Variants in FANCB observed in about 807,000 individuals in gnomAD.
FANCB encodes the protein FA complementation group B, also known as Fanconi anemia group B protein.
Under a neutral mutation model 38.9 loss-of-function variants are expected in FANCB, and 5 were observed. The observed-to-expected ratio is 0.13, with a 90% confidence interval of 0.07 to 0.27. The LOEUF (loss-of-function observed/expected upper bound fraction) is 0.27, where lower values mean the gene tolerates loss of function less well. FANCB is among the 10% of genes least tolerant of loss of function. The pLI, the probability that FANCB is intolerant of heterozygous loss-of-function variation, is 1.00. For missense variants in FANCB, 573 were observed against 602.7 expected, an observed-to-expected ratio of 0.95 and a Z score of 0.52; for synonymous variants, 236 against 215.4, an observed-to-expected ratio of 1.10 and a Z score of -0.84.
chrX:14,766,698 A>G, the FANCB span, among the ~76,000 whole-genome samples: 1 of 110,099 alleles, frequency 9.1e-6, no homozygotes, highest in Admixed American at 9.7e-5. Flanking sequence ...TCTTCAACTT[A>G]TAAGTCCAGG....
At chrX:14,840,905 C>G (rs939799831), downstream of FANCB, among the ~76,000 whole-genome samples, 1 of 111,731 alleles carries the variant, frequency 9.0e-6, no homozygotes, top group Non-Finnish European at 1.9e-5. Flanking sequence ...ACTGCCCTTA[C>G]TAAAGTTCAG....
At chrX:14,756,195 A>G in the FANCB span, among the ~76,000 whole-genome samples, 177 of 112,100 alleles carry the variant, frequency 1.6e-3, 1 homozygote, top group Non-Finnish European at 2.7e-3. Context: ...CTAAAGACCT[A>G]AAAGACCTGA....
chrX:14,749,009 T>C, the FANCB span, among the ~76,000 whole-genome samples: 4 of 111,736 alleles, frequency 3.6e-5, no homozygotes, highest in Non-Finnish European at 7.5e-5. Context: ...AGGGAAGGCA[T>C]TTCACATAAG....
At chrX:14,764,872 C>G in the FANCB span, among the ~76,000 whole-genome samples, 1 of 111,970 alleles carries the variant, frequency 8.9e-6, no homozygotes, top group African/African-American at 3.2e-5. Flanking sequence ...CTCAGGAAGG[C>G]TAGCTACCAT....
intron 6 of FANCB, 114 bp from the exon 7 acceptor site, chrX:14,850,788 A>G: frequency 8.6e-6 from 4 of 463,479 alleles, no homozygotes; most frequent in Non-Finnish European, 1.5e-5. Flanking sequence ...CAAACATTTA[A>G]AAACAAATAA....
At chrX:14,860,441 G>A (rs2092441949) in intron 3 of FANCB, among the ~76,000 whole-genome samples, 1 of 111,806 alleles carries the variant, frequency 8.9e-6, no homozygotes, top group African/African-American at 3.3e-5. Flanking sequence ...AATGTGTTTG[G>A]CAGGCAAACA....
chrX:14,800,745 T>A, the FANCB span, among the ~76,000 whole-genome samples: 2 of 112,067 alleles, frequency 1.8e-5, no homozygotes, highest in East Asian at 5.6e-4. Flanking sequence ...TTTAATTGCA[T>A]GATTTCATTT....
chrX:14,842,761 A>C (rs1295135421), downstream of FANCB, among the ~76,000 whole-genome samples: 3 of 111,961 alleles, frequency 2.7e-5, no homozygotes, highest in African/African-American at 9.7e-5. Context: ...AGATAGCTTA[A>C]AAGCGTTTTC....
chrX:14,788,740 A>G, the FANCB span, among the ~76,000 whole-genome samples: 2 of 112,391 alleles, frequency 1.8e-5, no homozygotes, highest in African/African-American at 6.5e-5. Context: ...CAGTTGCATT[A>G]GCCACATTTG....
At chrX:14,750,760 C>G in the FANCB span, among the ~76,000 whole-genome samples, 1 of 110,779 alleles carries the variant, frequency 9.0e-6, no homozygotes, top group African/African-American at 3.3e-5. Flanking sequence ...GTTTTTATAG[C>G]TAGAAGTGTT....
chrX:14,825,009 G>C, the FANCB span, among the ~76,000 whole-genome samples: 4 of 111,755 alleles, frequency 3.6e-5, no homozygotes, highest in African/African-American at 9.8e-5. Context: ...AGAATTCTAG[G>C]CTATTTTTTA....
chrX:14,830,258 G>A, the FANCB span, among the ~76,000 whole-genome samples: 4 of 111,689 alleles, frequency 3.6e-5, no homozygotes, highest in Admixed American at 9.5e-5. Flanking sequence ...CATAACAGAC[G>A]TACTAATAAT....
At chrX:14,728,611 A>T in the FANCB span, among the ~76,000 whole-genome samples, 1 of 111,880 alleles carries the variant, frequency 8.9e-6, no homozygotes, top group African/African-American at 3.3e-5. Context: ...GCCAGGTTGC[A>T]ATGGAATGTT....
chrX:14,852,954 C>G, intron 6 of FANCB, 85 bp downstream of exon 6: 4 of 903,132 alleles, frequency 4.4e-6, no homozygotes, highest in Non-Finnish European at 4.7e-6. Flanking sequence ...CTAATATATT[C>G]TAATATTCCA....
the FANCB span, among the ~76,000 whole-genome samples, chrX:14,744,448 C>G: frequency 8.9e-6 from 1 of 112,150 alleles, no homozygotes; most frequent in African/African-American, 3.2e-5. Context: ...TTCCAGAAAG[C>G]ACTAAAACAG....
chrX:14,817,334 G>A, the FANCB span, among the ~76,000 whole-genome samples: 4 of 111,487 alleles, frequency 3.6e-5, no homozygotes, highest in Non-Finnish European at 5.6e-5. Flanking sequence ...CTCGCATACA[G>A]GTATAGACAC....
At chrX:14,813,761 T>G in the FANCB span, among the ~76,000 whole-genome samples, 346 of 111,787 alleles carry the variant, frequency 3.1e-3, 1 homozygote, top group African/African-American at 9.9e-3. Flanking sequence ...CAAGGTAATT[T>G]ATAGATTCAA....
chrX:14,787,203 T>A, the FANCB span, among the ~76,000 whole-genome samples: 1 of 110,700 alleles, frequency 9.0e-6, no homozygotes, highest in Non-Finnish European at 1.9e-5. Context: ...ATTCTTGCCA[T>A]CCTTATGAAA....
At chrX:14,850,717 G>C in intron 6 of FANCB, 43 bp from the exon 7 acceptor site, 1 of 841,840 alleles carries the variant, frequency 1.2e-6, no homozygotes. Flanking sequence ...AATACGTACC[G>C]TCTGTAGCAA....
Sources: allele counts gnomAD v4.1 joint callset (sites outside exome capture counted in the v4.1 genomes callset), GRCh38; gene constraint gnomAD v4.1.1; transcripts MANE v1.5; gene names NCBI Gene and HGNC (gene_info 2026-07-23, HGNC 2026-07-21).